The following TNIK variants were observed in gnomAD, a reference collection of about 807,000 sequenced individuals.
TNIK encodes the protein TRAF2 and NCK-interacting protein kinase.
TNIK carries 49 observed loss-of-function variants against 191.3 expected under a neutral mutation model. The ratio of observed to expected loss-of-function variants is 0.26; its 90% CI spans 0.20 to 0.32. TNIK has a LOEUF of 0.32. Among genes scored for constraint, TNIK ranks in the 10% least tolerant of loss-of-function variants. The pLI, the probability that TNIK is intolerant of heterozygous loss-of-function variation, is 1.00. For missense variants in TNIK, 1,155 were observed against 1,702.3 expected (o/e 0.68, Z 5.66); for synonymous variants, 594 against 600.9 (o/e 0.99, Z 0.17).
rs540445737 is a variant in TNIK, at chr3:171,452,700, G to A, written c.57+7307C>T. 3.4e-5 allele frequency among the ~76,000 whole-genome samples: 5 copies of A among 149,106 alleles called. No homozygotes were observed. In the South Asian group the frequency reaches 6.3e-4, roughly 19 times the overall value. ...AAAACAGCAGTCATAAGTATTATCCGATTGTTGAAATAATTGAAACACACT... is the reference window on the plus strand; with the variant it reads ...AAAACAGCAGTCATAAGTATTATCCAATTGTTGAAATAATTGAAACACACT... On this transcript the variant is annotated intron_variant, in intron 1 of 32. Transcript: ENST00000436636.
At chr3:171,097,417 A>G (rs1722873019) in intron 22 of TNIK, among the ~76,000 whole-genome samples, 1 of 152,158 alleles carries the variant, frequency 6.6e-6, no homozygotes, top group African/African-American at 2.4e-5. Context: ...AATTAAGTAA[A>G]TGGGTGGTTG....
chr3:171,251,740 T>C (rs1292205317), intron 2 of TNIK, among the ~76,000 whole-genome samples: 1 of 152,210 alleles, frequency 6.6e-6, no homozygotes, highest in East Asian at 1.9e-4. Context: ...ACTAATACCA[T>C]TGATGTTTAA....
chr3:171,177,349 A>G lies in TNIK; in HGVS notation c.671T>C (p.Ile224Thr). ...ACGGGGAGCACCTTCTGCCATTTCA[A>G]TGGCGGTGATACCCAAAGACCACAA... ...SDLWSLGITA[I>T]EMAEGAPPLC... The change falls in exon 8 of 33, where the codon ATT (isoleucine) becomes ACT (threonine). Residue 224 changes from isoleucine to threonine, a missense_variant. Ile to Thr is a moderately conservative substitution (Grantham distance 89). Coordinates refer to ENST00000436636, the MANE Select transcript of TNIK (RefSeq NM_015028.4). 1 of 1,607,670 alleles carries G rather than the reference A, an allele frequency of 6.2e-7. No individual in the cohort carries two copies. Among genetic ancestry groups the G allele is most frequent in the Non-Finnish European group, 8.5e-7 (1 of 1,177,028 alleles).
intron 2 of TNIK, among the ~76,000 whole-genome samples, chr3:171,319,398 A>G (rs1754957430): frequency 6.6e-6 from 1 of 152,150 alleles, no homozygotes; most frequent in Non-Finnish European, 1.5e-5. Flanking sequence ...TTAAAATTAC[A>G]AAGAGTGTTT....
chr3:171,358,017 T>C (rs1360279890), intron 2 of TNIK, among the ~76,000 whole-genome samples: 1 of 152,076 alleles, frequency 6.6e-6, no homozygotes, highest in East Asian at 1.9e-4. Flanking sequence ...TCGGGGAGTG[T>C]TGTGTCGGCA....
intron 2 of TNIK, among the ~76,000 whole-genome samples, chr3:171,245,845 G>A (rs1012545259): frequency 3.3e-5 from 5 of 151,824 alleles, no homozygotes; most frequent in East Asian, 1.9e-4. Context: ...ATACATTTTC[G>A]GTATTATGAC....
chr3:171,154,236 A>G (rs1258361343), intron 12 of TNIK, among the ~76,000 whole-genome samples: 1 of 148,596 alleles, frequency 6.7e-6, no homozygotes, highest in Non-Finnish European at 1.5e-5. Flanking sequence ...TTACTGGCCA[A>G]TAAGATACAG....
At chr3:171,115,435 T>C (rs537397549) in intron 18 of TNIK, among the ~76,000 whole-genome samples, 1 of 152,116 alleles carries the variant, frequency 6.6e-6, no homozygotes, top group Admixed American at 6.5e-5. Flanking sequence ...GAGGGGACAA[T>C]AGGGAGCATG....
intron 18 of TNIK, among the ~76,000 whole-genome samples, chr3:171,114,409 C>A (rs973781399): frequency 6.6e-6 from 1 of 152,186 alleles, no homozygotes; most frequent in Non-Finnish European, 1.5e-5. Context: ...TTGGATATGA[C>A]CCCTTCCTTT....
chr3:171,068,142 C>T (rs1391307016), intron 30 of TNIK, among the ~76,000 whole-genome samples: 4 of 152,132 alleles, frequency 2.6e-5, no homozygotes, highest in South Asian at 2.1e-4. Flanking sequence ...GCAGCATTTC[C>T]CTTTAACAGT....
At chr3:171,318,033 A>G (rs1205612978) in intron 2 of TNIK, among the ~76,000 whole-genome samples, 1 of 152,188 alleles carries the variant, frequency 6.6e-6, no homozygotes, top group Non-Finnish European at 1.5e-5. Flanking sequence ...CAGGGGGCTC[A>G]AATAACTTAC....
chr3:171,435,077 C>T (rs1010577853), intron 1 of TNIK, among the ~76,000 whole-genome samples: 2 of 152,188 alleles, frequency 1.3e-5, no homozygotes, highest in African/African-American at 4.8e-5. Flanking sequence ...TGTGATTCTC[C>T]TGGCTTTCCC....
At chr3:171,351,824 A>C (rs1559962152) in intron 2 of TNIK, among the ~76,000 whole-genome samples, 1 of 152,240 alleles carries the variant, frequency 6.6e-6, no homozygotes, top group Non-Finnish European at 1.5e-5. Flanking sequence ...CACACTGGGC[A>C]AAAAGGCCCT....
intron 2 of TNIK, among the ~76,000 whole-genome samples, chr3:171,350,125 C>T (rs775138636): frequency 6.6e-6 from 1 of 152,230 alleles, no homozygotes; most frequent in East Asian, 1.9e-4. Flanking sequence ...GTTCTTTTGC[C>T]TCTGCCAATA....
At chr3:171,254,816 A>C (rs1341869978) in intron 2 of TNIK, among the ~76,000 whole-genome samples, 1 of 152,214 alleles carries the variant, frequency 6.6e-6, no homozygotes, top group Non-Finnish European at 1.5e-5. Flanking sequence ...CATAATCAGA[A>C]GTGATATGCA....
In TNIK at chr3:171,178,051, A is replaced by G. The variant is rs576589536; in HGVS notation, c.640-671T>C. Among the ~76,000 whole-genome samples, 3 of 152,082 alleles carry G rather than the reference A, an allele frequency of 2.0e-5. No individual in the cohort carries two copies. The South Asian group carries it at 6.2e-4, about 31-fold the overall frequency. On this transcript the variant is annotated intron_variant, in intron 7 of 32. Coordinates refer to ENST00000436636, the MANE Select transcript of TNIK (RefSeq NM_015028.4). ...ACATATCAGTATCTCACTCCTTTTT[A>G]TTGTTGTGTAGTATTCCATTCTATG...
In TNIK at chr3:171,228,167, C is replaced by T. The variant is rs1051506196; in HGVS notation, c.178G>A (p.Gly60Arg). Residue 60 changes from glycine to arginine, a missense_variant and splice_region_variant, in exon 3 of 33, where the codon GGG becomes AGG. Transcript: ENST00000436636. ...LAAIKVMDVT[G>R]DEEEEIKQEI... The stretch of plus-strand genomic sequence containing the variant: ...GATGGCAAAATAAAGACACTTACCC[C>T]TGTGACATCCATAACCTTGATGGCT... 1 of 1,613,584 alleles carries T rather than the reference C, an allele frequency of 6.2e-7. No homozygotes were observed.
At chr3:171,284,712 T>C (rs1750833754) in intron 2 of TNIK, among the ~76,000 whole-genome samples, 1 of 152,220 alleles carries the variant, frequency 6.6e-6, no homozygotes, top group Admixed American at 6.5e-5. Flanking sequence ...TGCACATTAT[T>C]TAAGGGGCCT....
intron 1 of TNIK, among the ~76,000 whole-genome samples, chr3:171,459,675 T>TACACACACACAC (rs58614773): frequency 0.19 from 27,866 of 146,074 alleles, 2,700 homozygotes; most frequent in East Asian, 0.33. Flanking sequence ...CCGGGGCGTG[T>TACACACACACAC]ACACACACAC....
Sources: gnomAD v4.1 joint callset for allele counts (sites outside exome capture counted in the v4.1 genomes callset) on GRCh38, gnomAD v4.1.1 for gene constraint, MANE v1.5 for transcripts, NCBI Gene and HGNC (gene_info 2026-07-23, HGNC 2026-07-21) for gene names.